CAPN7: variants seen among roughly 807,000 people sequenced by gnomAD.
The protein encoded by CAPN7 is calpain-7.
A neutral mutation model predicts 115.2 loss-of-function variants in CAPN7; 72 were observed. The observed-to-expected ratio is 0.63, with a 90% CI of 0.52 to 0.76. The LOEUF (loss-of-function observed/expected upper bound fraction) is 0.76, where lower values mean the gene tolerates loss of function less well. Ranked by LOEUF, CAPN7 falls within the 30% of genes least tolerant of loss-of-function variation. CAPN7 has a pLI of 0.00. For synonymous variants in CAPN7, 344 were observed against 322.3 expected (o/e 1.07, Z -0.72); for missense variants, 905 against 971.5 (o/e 0.93, Z 0.91).
intron 18 of CAPN7, 44 bp downstream of exon 18, chr3:15,246,838 T>C (rs1410935418): frequency 7.4e-7 from 1 of 1,355,760 alleles, no homozygotes; most frequent in Non-Finnish European, 1.0e-6. Context: ...TCTTTTAGAA[T>C]TTTTAAATTC....
intron 2 of CAPN7, among the ~76,000 whole-genome samples, chr3:15,212,819 A>T (rs1167289244): frequency 6.6e-6 from 1 of 152,142 alleles, no homozygotes; most frequent in Non-Finnish European, 1.5e-5. Context: ...AAATACATTG[A>T]TTTCTGTAGG....
rs781439653 is a variant in CAPN7 at position 15,250,934 on chromosome 3, A to G, written c.2208A>G (p.Gln736=). 1.2e-6 allele frequency: 2 copies of G among 1,600,372 alleles called. No individual in the cohort carries two copies. Among genetic ancestry groups the G allele is most frequent in the Non-Finnish European group, 1.7e-6 (2 of 1,168,160 alleles). ...PLLIELRGPR[Q]YSVGFEVVTV... ...TTCTGTTCATTTTAAATGCTAGGCAATATAGCGTTGGATTTGAGGTTGTAA... is the reference window on the plus strand; with the variant it reads ...TTCTGTTCATTTTAAATGCTAGGCAGTATAGCGTTGGATTTGAGGTTGTAA... The change falls in exon 20 of 21, where the codon CAA becomes CAG. Residue 736 remains glutamine (Q), a synonymous_variant. Coordinates refer to ENST00000253693, the MANE Select transcript of CAPN7 (RefSeq NM_014296.3).
intron 1 of CAPN7, among the ~76,000 whole-genome samples, chr3:15,208,453 A>AT (rs1218217326): frequency 0.017 from 2,186 of 126,104 alleles, 38 homozygotes; most frequent in African/African-American, 0.02. Flanking sequence ...CACTTGGCTA[A>AT]TTTTTTTTTT....
At chr3:15,238,057 T>G (rs1695098052) in intron 12 of CAPN7, among the ~76,000 whole-genome samples, 1 of 151,738 alleles carries the variant, frequency 6.6e-6, no homozygotes, top group African/African-American at 2.4e-5. Context: ...ATTATTTTTA[T>G]TTTTTATTTT....
intron 1 of CAPN7, 26 bp downstream of exon 1, chr3:15,206,623 C>A: frequency 1.3e-6 from 2 of 1,508,286 alleles, no homozygotes; most frequent in African/African-American, 1.4e-5. Context: ...GCGCTTCGGT[C>A]GGAGTTGCTC....
At chr3:15,218,584 T>C (rs1693779582) in intron 4 of CAPN7, 44 bp downstream of exon 4, 1 of 1,378,896 alleles carries the variant, frequency 7.3e-7, no homozygotes, top group South Asian at 1.2e-5. Flanking sequence ...TGGCACTTAG[T>C]GTTATTTAAA....
At chr3:15,249,696 T>C (rs949640492) in intron 19 of CAPN7, among the ~76,000 whole-genome samples, 6 of 152,152 alleles carry the variant, frequency 3.9e-5, no homozygotes, top group African/African-American at 1.4e-4. Context: ...AGTACTTCTG[T>C]AAATTCAGAG....
intron 6 of CAPN7, among the ~76,000 whole-genome samples, chr3:15,224,652 G>T (rs1694207003): frequency 6.6e-6 from 1 of 151,832 alleles, no homozygotes; most frequent in Admixed American, 6.6e-5. Context: ...ATTTACAGTG[G>T]TTATGTCTAG....
chr3:15,236,932 C>T (rs1695026958), intron 12 of CAPN7, among the ~76,000 whole-genome samples: 1 of 152,178 alleles, frequency 6.6e-6, no homozygotes, highest in Non-Finnish European at 1.5e-5. Context: ...CTGTACACTA[C>T]TGTAGACTTT....
At chr3:15,245,729 C>A (rs1391951504) in intron 17 of CAPN7, 58 bp downstream of exon 17, 1 of 1,438,866 alleles carries the variant, frequency 6.9e-7, no homozygotes, top group Admixed American at 2.1e-5. Context: ...GTAATATGCT[C>A]TGCTTTGTAA....
intron 12 of CAPN7, among the ~76,000 whole-genome samples, chr3:15,238,622 C>T (rs1235748710): frequency 2.0e-5 from 3 of 152,078 alleles, no homozygotes; most frequent in Non-Finnish European, 4.4e-5. Flanking sequence ...CTCTAATCTG[C>T]TTGCATATTC....
chr3:15,240,328 T>A, intron 12 of CAPN7, 145 bp from the exon 13 acceptor site: 1 of 739,668 alleles, frequency 1.4e-6, no homozygotes, highest in South Asian at 1.8e-5. Flanking sequence ...ATGTATGACC[T>A]GGTGAAAGTG....
In CAPN7 at chr3:15,247,494, C is replaced by A. The variant is rs760502860; in HGVS notation, c.2204+37C>A. On this transcript the variant is annotated intron_variant, in intron 19 of 20. Coordinates refer to ENST00000253693, the MANE Select transcript of CAPN7 (RefSeq NM_014296.3). ...GTAACTTTCTTAAATTAATGATGTT[C>A]TATTACAAATGAACATAGTATAACA... 6 of 1,542,854 alleles carry A rather than the reference C, an allele frequency of 3.9e-6. No homozygotes were observed. The Admixed American group carries it at 1.1e-4, about 27-fold the overall frequency.
intron 19 of CAPN7, among the ~76,000 whole-genome samples, chr3:15,247,957 T>C (rs1159833507): frequency 1.3e-5 from 2 of 150,720 alleles, no homozygotes; most frequent in African/African-American, 2.5e-5. Context: ...TTCTCACTCA[T>C]AGGTGGGAAT....
chr3:15,245,453 T>G (rs1695602351), intron 16 of CAPN7, 73 bp from the exon 17 acceptor site: 1 of 1,396,804 alleles, frequency 7.2e-7, no homozygotes, highest in Non-Finnish European at 9.8e-7. Flanking sequence ...CAAGTAATTA[T>G]TTTTCCTACA....
At chr3:15,217,243 G>A (rs1332081382) in intron 2 of CAPN7, among the ~76,000 whole-genome samples, 182 bp from the exon 3 acceptor site, 27 of 148,060 alleles carry the variant, frequency 1.8e-4, no homozygotes, top group African/African-American at 6.5e-4. Context: ...GCAAGAGCCT[G>A]TCTAAAAAAA....
intron 12 of CAPN7, among the ~76,000 whole-genome samples, chr3:15,238,374 A>G (rs1411977209): frequency 3.3e-5 from 5 of 151,904 alleles, no homozygotes; most frequent in Non-Finnish European, 5.9e-5. Flanking sequence ...TTGGCCTCCC[A>G]AAGTGCTGGG....
At chr3:15,222,169 T>C (rs1353076093) in intron 5 of CAPN7, among the ~76,000 whole-genome samples, 3 of 152,028 alleles carry the variant, frequency 2.0e-5, no homozygotes, top group African/African-American at 7.3e-5. Context: ...ACCCCCTGTC[T>C]AGCGGGGGTT....
rs371169868 is a variant in CAPN7 at position 15,210,596 on chromosome 3, C to CTTTT, written c.103-1494_103-1491dup. 3.3e-4 allele frequency among the ~76,000 whole-genome samples: 34 copies of CTTTT among 104,426 alleles called. 3 individuals are homozygous for CTTTT. Among genetic ancestry groups the CTTTT allele is most frequent in the African/African-American group, 1.7e-3 (28 of 16,478 alleles). 68.5% of individuals were successfully genotyped at this position (104,426 alleles called of 152,430 possible). On this transcript the variant is annotated intron_variant, in intron 1 of 20. Transcript: ENST00000253693. ...TTTTCATTCCTTCCTTGCTTCCTTC[C>CTTTT]TTTTTTTTTTTTTTTTTGGACAGTA...
Sources: allele counts gnomAD v4.1 joint callset (sites outside exome capture counted in the v4.1 genomes callset), GRCh38; gene constraint gnomAD v4.1.1; transcripts MANE v1.5; gene names NCBI Gene and HGNC (gene_info 2026-07-23, HGNC 2026-07-21).